Variants in HOMER2 observed in about 807,000 individuals in gnomAD.
HOMER2 encodes homer protein homolog 2.
A neutral mutation model predicts 47.0 loss-of-function variants in HOMER2; 27 were observed. The observed-to-expected ratio is 0.57, with a 90% CI of 0.42 to 0.79. HOMER2 has a LOEUF of 0.79. Ranked by LOEUF, HOMER2 falls within the 30% of genes least tolerant of loss-of-function variation. HOMER2 has a pLI of 0.00. For missense variants in HOMER2, 443 were observed against 435.0 expected, an observed-to-expected ratio of 1.02 and a Z score of -0.16; for synonymous variants, 161 against 163.8, an observed-to-expected ratio of 0.98 and a Z score of 0.13.
exon 2 of HOMER2, chr15:82,843,403 C>T (rs190355970): frequency 8.0e-4 from 105 of 130,742 alleles, no homozygotes; most frequent in African/African-American, 3.0e-3. Flanking sequence ...GAGATCACGC[C>T]ACTGCACTCC....
chr15:82,862,863 C>T (rs569854628), intron 4 of HOMER2, among the ~76,000 whole-genome samples: 2 of 152,272 alleles, frequency 1.3e-5, no homozygotes, highest in African/African-American at 4.8e-5. Flanking sequence ...TCCCAAGGGT[C>T]GGCCACAGCA....
chr15:82,869,980 C>T (rs898870677), intron 3 of HOMER2, among the ~76,000 whole-genome samples: 6 of 151,926 alleles, frequency 3.9e-5, no homozygotes, highest in Non-Finnish European at 5.9e-5. Flanking sequence ...CAAAGGTTTC[C>T]GAAATGTATT....
downstream of HOMER2, chr15:82,846,911 T>C (rs2051258413): frequency 6.6e-6 from 1 of 152,200 alleles, no homozygotes; most frequent in South Asian, 2.1e-4. Flanking sequence ...GAAAGGTTAT[T>C]TTTAAAGGTC....
At chr15:82,930,185 C>A (rs959533101) in intron 1 of HOMER2, among the ~76,000 whole-genome samples, 2 of 152,200 alleles carry the variant, frequency 1.3e-5, no homozygotes, top group Non-Finnish European at 2.9e-5. Flanking sequence ...ACATAACCAC[C>A]AACTTCACTC....
chr15:82,966,925 G>T (rs1318123322), intron 1 of HOMER2, among the ~76,000 whole-genome samples: 1 of 152,158 alleles, frequency 6.6e-6, no homozygotes, highest in Non-Finnish European at 1.5e-5. Flanking sequence ...AAAGTAGTTT[G>T]GTCTCTTTAA....
At chr15:82,898,653 T>C (rs190337208) in intron 1 of HOMER2, among the ~76,000 whole-genome samples, 72 of 152,324 alleles carry the variant, frequency 4.7e-4, no homozygotes, top group Admixed American at 9.2e-4. Context: ...CTGTGCAACA[T>C]ATGTATGTTT....
intron 2 of HOMER2, among the ~76,000 whole-genome samples, chr15:82,879,788 A>C (rs531237867): frequency 6.6e-6 from 1 of 152,286 alleles, no homozygotes; most frequent in Non-Finnish European, 1.5e-5. Flanking sequence ...TCCTTTCACA[A>C]AAGATTTCTC....
chr15:82,854,734 G>A lies in HOMER2; in HGVS notation c.561C>T (p.Thr187=). The A allele has an allele frequency of 6.2e-7, 1 of 1,612,540 alleles. No individual in the cohort carries two copies. Among genetic ancestry groups the A allele is most frequent in the Non-Finnish European group, 8.5e-7 (1 of 1,179,814 alleles). ...QTLRESNARL[T]TALQESAASV... ...TGGCTGCCGACTCCTGCAGTGCTGT[G>A]GTCAGCCGTGCATTGCTCTCCCGAA... The change falls in exon 6 of 9, where the codon ACC becomes ACT. Residue 187 remains threonine, a synonymous_variant. Coordinates refer to ENST00000450735, the MANE Select transcript of HOMER2 (RefSeq NM_004839.4).
chr15:82,929,653 C>CA (rs373315567), intron 1 of HOMER2, among the ~76,000 whole-genome samples: 48,273 of 90,674 alleles, frequency 0.53, 11,580 homozygotes, highest in East Asian at 0.61. Context: ...GTGAGACTAT[C>CA]AAAAAAAAAA....
chr15:82,853,418 C>A (rs12594197), intron 6 of HOMER2, among the ~76,000 whole-genome samples: 1 of 152,190 alleles, frequency 6.6e-6, no homozygotes, highest in African/African-American at 2.4e-5. Flanking sequence ...GGTGCCCAAC[C>A]GTCAGCACCA....
Position 82,923,731 on chromosome 15 carries a change from G to A in HOMER2, c.5+28800C>T, listed in dbSNP as rs146621781. On this transcript the variant is annotated intron_variant, in intron 1 of 8. Coordinates refer to ENST00000450735, the MANE Select transcript of HOMER2 (RefSeq NM_004839.4). ...GCACATACCCACCCACACTCACGCA[G>A]GGTATGCTGAGGTACACTGACCCTC... Among the ~76,000 whole-genome samples the A allele has an allele frequency of 1.0e-3, 154 of 152,326 alleles. 1 individual carries two copies. The highest frequency in any genetic ancestry group is 1.8e-3 in the Non-Finnish European group (124 of 68,024).
chr15:82,903,129 G>A (rs763083853), intron 1 of HOMER2, among the ~76,000 whole-genome samples: 1 of 152,244 alleles, frequency 6.6e-6, no homozygotes, highest in African/African-American at 2.4e-5. Context: ...AAGATGGGCT[G>A]AAGGGGGAAG....
rs1482011438 is a variant in HOMER2, at chr15:82,906,623, G to A, written c.6-13782C>T. On this transcript the variant is annotated intron_variant, in intron 1 of 8. Transcript: ENST00000450735. Reference sequence around the variant, plus strand: ...AATTTTTTGTATTTTTAGTAGGAACGAAGTTTCTCCATGTTGGTCAGGCTG... The same window carrying A: ...AATTTTTTGTATTTTTAGTAGGAACAAAGTTTCTCCATGTTGGTCAGGCTG... Among the ~76,000 whole-genome samples the A allele has an allele frequency of 3.3e-5, 5 of 152,036 alleles. No homozygotes were observed. In the South Asian group the frequency reaches 6.2e-4, roughly 19 times the overall value.
At chr15:82,932,694 G>A (rs2054043541) in intron 1 of HOMER2, among the ~76,000 whole-genome samples, 1 of 151,970 alleles carries the variant, frequency 6.6e-6, no homozygotes, top group African/African-American at 2.4e-5. Flanking sequence ...CCTCCACAAG[G>A]GCTTCATCAC....
downstream of HOMER2, among the ~76,000 whole-genome samples, chr15:82,836,630 A>G (rs2051130137): frequency 3.3e-5 from 5 of 152,198 alleles, no homozygotes; most frequent in South Asian, 1.0e-3. Flanking sequence ...GTCTGGTACA[A>G]AGGAGGACTG....
rs527249728 is a variant in HOMER2 at position 82,862,717 on chromosome 15, G to A, written c.387+1450C>T. Among the ~76,000 whole-genome samples the A allele has an allele frequency of 7.2e-5, 11 of 152,208 alleles. No individual in the cohort carries two copies. In the South Asian group the frequency reaches 1.0e-3, roughly 14 times the overall value. On this transcript the variant is annotated intron_variant, in intron 4 of 8. Transcript: ENST00000450735. ...GGAAAGTTCCTGTCTACCTGAAATC[G>A]AATTCACATGCATTTCCATAGGTCC...
At position 82,892,860 on chromosome 15, in the gene HOMER2, C is replaced by A. The variant is rs200943827; in HGVS notation, c.6-19G>T. On this transcript the variant is annotated intron_variant, in intron 1 of 8. Coordinates refer to ENST00000450735, the MANE Select transcript of HOMER2 (RefSeq NM_004839.4). ...CTGTTCTCTGCAATAAGAGAGTGGG[C>A]GTGTGAGTTGAGAGAACATGACTTA... is the stretch of plus-strand genomic sequence containing the variant. 4 of 1,498,770 alleles carry A rather than the reference C, an allele frequency of 2.7e-6. No individual in the cohort carries two copies. Among genetic ancestry groups the A allele is most frequent in the South Asian group, 1.4e-5 (1 of 71,414 alleles). 92.8% of individuals were successfully genotyped at this position (1,498,770 alleles called of 1,614,324 possible). A position where few individuals can be genotyped will look rare whatever the true frequency, so the allele number is the denominator to read the frequency against.
intron 1 of HOMER2, among the ~76,000 whole-genome samples, chr15:82,930,638 C>T (rs572273064): frequency 3.1e-4 from 47 of 152,342 alleles, no homozygotes; most frequent in Middle Eastern, 3.4e-3. Context: ...CCCACATGGA[C>T]AGTCATGTGG....
chr15:82,881,892 T>G (rs1425046993), intron 2 of HOMER2, among the ~76,000 whole-genome samples: 2 of 152,138 alleles, frequency 1.3e-5, no homozygotes, highest in African/African-American at 4.8e-5. Context: ...CATCCAGAGC[T>G]CCCAGGAGAA....
Sources: allele counts gnomAD v4.1 joint callset (sites outside exome capture counted in the v4.1 genomes callset), GRCh38; gene constraint gnomAD v4.1.1; transcripts MANE v1.5; gene names NCBI Gene and HGNC (gene_info 2026-07-23, HGNC 2026-07-21).